PAIP1: variants seen among roughly 807,000 people sequenced by gnomAD.
PAIP1 encodes polyadenylate-binding protein-interacting protein 1.
In PAIP1, 16 loss-of-function variants were observed where a neutral mutation model predicts 61.3. The observed-to-expected ratio is 0.26, with a 90% CI of 0.18 to 0.40. The LOEUF (loss-of-function observed/expected upper bound fraction) is 0.40. PAIP1 is among the 10% of genes least tolerant of loss of function. The probability of loss-of-function intolerance (pLI) is 1.00; values close to 1 mark genes in which losing one functional copy is unlikely to be tolerated. For synonymous variants in PAIP1, 187 were observed against 226.2 expected (o/e 0.83, Z 1.56); for missense variants, 416 against 600.9 (o/e 0.69, Z 3.22).
At chr5:43,539,090 A>C in intron 4 of PAIP1, 55 bp from the exon 5 acceptor site, 1 of 1,130,144 alleles carries the variant, frequency 8.8e-7, no homozygotes, top group East Asian at 2.4e-5. Flanking sequence ...TTAAATAGTC[A>C]AACAAAATAA....
chr5:43,554,400 C>A (rs78841956), intron 2 of PAIP1, among the ~76,000 whole-genome samples: 9,336 of 152,242 alleles, frequency 0.061, 439 homozygotes, highest in African/African-American at 0.12. Context: ...AAGATGCTCT[C>A]ATTTCTACCT....
intron 2 of PAIP1, among the ~76,000 whole-genome samples, chr5:43,552,104 T>C (rs1445764738): frequency 6.6e-6 from 1 of 152,162 alleles, no homozygotes; most frequent in African/African-American, 2.4e-5. Context: ...AGGTACTCTA[T>C]ATACATTGTC....
At chr5:43,529,564 G>T (rs1053200825) in intron 10 of PAIP1, among the ~76,000 whole-genome samples, 1 of 152,104 alleles carries the variant, frequency 6.6e-6, no homozygotes, top group African/African-American at 2.4e-5. Flanking sequence ...GCTAATTTTT[G>T]TACTTTTAGT....
chr5:43,550,341 G>A (rs1292901639), intron 2 of PAIP1, among the ~76,000 whole-genome samples: 3 of 151,926 alleles, frequency 2.0e-5, no homozygotes, highest in African/African-American at 7.3e-5. Flanking sequence ...ACATAGTAAA[G>A]CACAGAATGT....
intron 4 of PAIP1, 33 bp downstream of exon 4, chr5:43,542,971 G>T (rs746567487): frequency 4.7e-6 from 5 of 1,065,050 alleles, no homozygotes; most frequent in Non-Finnish European, 7.3e-6. Context: ...ATATTTAGAA[G>T]TAGTTTTCCT....
chr5:43,528,261 ATTTGACTCCAGGTCTTACCCCT>A (rs1322048203), intron 10 of PAIP1, among the ~76,000 whole-genome samples: 2 of 152,188 alleles, frequency 1.3e-5, no homozygotes, highest in African/African-American at 2.4e-5. Flanking sequence ...CGGGGCCAGA[ATTTGACTCCAGGTCTTACCCCT>A]TTTCCTCCAT....
intron 3 of PAIP1, among the ~76,000 whole-genome samples, chr5:43,545,902 T>C (rs1747617628): frequency 6.6e-6 from 1 of 152,064 alleles, no homozygotes; most frequent in Non-Finnish European, 1.5e-5. Context: ...CCCGAGTAGC[T>C]GGGATCACAG....
chr5:43,535,766 T>A, intron 6 of PAIP1, 126 bp from the exon 7 acceptor site: 1 of 621,094 alleles, frequency 1.6e-6, no homozygotes, highest in South Asian at 2.0e-5. Context: ...TATTCCTAAT[T>A]ATTCTGTCTA....
intron 4 of PAIP1, among the ~76,000 whole-genome samples, chr5:43,542,408 T>C (rs775603553): frequency 6.7e-6 from 1 of 150,102 alleles, no homozygotes; most frequent in Non-Finnish European, 1.5e-5. Context: ...GGCGGGTGCC[T>C]GTAGTCCCAG....
intron 10 of PAIP1, among the ~76,000 whole-genome samples, chr5:43,529,529 G>C (rs932570330): frequency 6.6e-6 from 1 of 151,952 alleles, no homozygotes; most frequent in Non-Finnish European, 1.5e-5. Context: ...TCAGCCTCCC[G>C]AGTAGCTGTG....
rs771908605 is a variant in PAIP1 at position 43,536,795 on chromosome 5, GTTAAA to G, written c.972+19_972+23del. On this transcript the variant is annotated intron_variant, in intron 6 of 10. Transcript: ENST00000306846. ...AAATCATAAGTAAATACGTAAATTA[GTTAAA>G]TTAAAAAAAAAAACCTACCTTTAAC... 2 of 1,243,726 alleles carry G rather than the reference GTTAAA, an allele frequency of 1.6e-6. No individual in the cohort carries two copies. The highest frequency in any genetic ancestry group is 4.3e-5 in the Admixed American group (2 of 46,426). The allele number at this position is 1,243,726 out of a possible 1,614,324, so 77.0% of individuals were successfully genotyped here. A position where few individuals can be genotyped will look rare whatever the true frequency, so the allele number is the denominator to read the frequency against.
At chr5:43,539,846 A>G (rs534987322) in intron 4 of PAIP1, among the ~76,000 whole-genome samples, 1 of 152,300 alleles carries the variant, frequency 6.6e-6, no homozygotes, top group African/African-American at 2.4e-5. Context: ...ACTAACATAG[A>G]TTTTTTAAAT....
intron 6 of PAIP1, among the ~76,000 whole-genome samples, chr5:43,535,984 A>AT (rs56107430): frequency 0.55 from 58,143 of 105,120 alleles, 11,610 homozygotes; most frequent in Middle Eastern, 0.65. Flanking sequence ...GAAGCTTTGA[A>AT]TAAAAAAAAA....
At chr5:43,532,925 A>G (rs1353644060) in intron 9 of PAIP1, among the ~76,000 whole-genome samples, 1 of 152,260 alleles carries the variant, frequency 6.6e-6, no homozygotes, top group African/African-American at 2.4e-5. Context: ...CTGATGGACA[A>G]AAATTAAGTT....
rs757108858 is a variant in PAIP1 at position 43,535,514 on chromosome 5, T to TAC, written c.1079+18_1079+19dup. On this transcript the variant is annotated intron_variant, in intron 7 of 10. Transcript: ENST00000306846. Reference sequence around the variant, plus strand: ...AAGAAATTGAGATGCACTGGCTATTTACATTACTTCTTTTCCTACCTACTG... The same window carrying TAC: ...AAGAAATTGAGATGCACTGGCTATTTACACATTACTTCTTTTCCTACCTACTG... 5.3e-6 allele frequency: 7 copies of TAC among 1,313,754 alleles called. No homozygotes were observed. The highest frequency in any genetic ancestry group is 6.6e-6 in the Non-Finnish European group (6 of 909,008). 81.4% of individuals were successfully genotyped at this position (1,313,754 alleles called of 1,614,324 possible).
intron 2 of PAIP1, among the ~76,000 whole-genome samples, chr5:43,550,783 T>C (rs1233973561): frequency 7.6e-6 from 1 of 131,454 alleles, no homozygotes; most frequent in East Asian, 2.2e-4. Context: ...GGCTCTCCTC[T>C]CATGGAGCTC....
At chr5:43,556,456 C>CTCGGGGAATGCTT (rs1264463966) in intron 1 of PAIP1, 126 bp downstream of exon 1, 1 of 1,205,866 alleles carries the variant, frequency 8.3e-7, no homozygotes, top group Non-Finnish European at 1.0e-6. Flanking sequence ...ACGCGGCCCT[C>CTCGGGGAATGCTT]TCGGGGAATG....
At chr5:43,535,359 A>G (rs1322670937) in intron 7 of PAIP1, among the ~76,000 whole-genome samples, 175 bp downstream of exon 7, 1 of 152,224 alleles carries the variant, frequency 6.6e-6, no homozygotes, top group Non-Finnish European at 1.5e-5. Flanking sequence ...CTATCACAAA[A>G]ATGTCTAGTG....
chr5:43,543,190 T>A, intron 3 of PAIP1, 74 bp from the exon 4 acceptor site: 1 of 704,292 alleles, frequency 1.4e-6, no homozygotes, highest in Non-Finnish European at 2.4e-6. Flanking sequence ...AGCAACATTC[T>A]AAAGAAGAAA....
Sources: allele counts gnomAD v4.1 joint callset (sites outside exome capture counted in the v4.1 genomes callset), GRCh38; gene constraint gnomAD v4.1.1; transcripts MANE v1.5; gene names NCBI Gene and HGNC (gene_info 2026-07-23, HGNC 2026-07-21).